Variants in SOX5 observed in about 807,000 individuals in gnomAD.
SOX5 encodes SRY-box transcription factor 5.
In SOX5, 9 loss-of-function variants were observed where a neutral mutation model predicts 92.0. The observed-to-expected ratio is 0.10, with a 90% confidence interval of 0.06 to 0.17. The LOEUF (loss-of-function observed/expected upper bound fraction) is 0.17. Ranked by LOEUF, SOX5 falls within the 10% of genes least tolerant of loss-of-function variation. SOX5 has a pLI of 1.00. For missense variants in SOX5, 642 were observed against 944.5 expected (o/e 0.68, Z 4.20); for synonymous variants, 344 against 336.3 (o/e 1.02, Z -0.25).
chr12:23,808,877 A>T (rs563596275), intron 3 of SOX5, among the ~76,000 whole-genome samples: 1 of 152,292 alleles, frequency 6.6e-6, no homozygotes, highest in African/African-American at 2.4e-5. Context: ...TGGACCTATT[A>T]GGTTTGAGAA....
chr12:23,663,389 C>A (rs2083333782), intron 7 of SOX5, among the ~76,000 whole-genome samples: 1 of 152,136 alleles, frequency 6.6e-6, no homozygotes, highest in African/African-American at 2.4e-5. Context: ...TAACACTCAA[C>A]AAATTTAGTA....
chr12:23,773,560 C>G (rs2095004224), intron 3 of SOX5, among the ~76,000 whole-genome samples: 1 of 152,124 alleles, frequency 6.6e-6, no homozygotes, highest in East Asian at 1.9e-4. Flanking sequence ...TTAGTAGAGA[C>G]AGGGTTTTAC....
intron 3 of SOX5, chr12:24,213,419 T>TGAAAAAAAAAA (rs1958852700): frequency 1.0e-5 from 1 of 96,864 alleles, no homozygotes; most frequent in Non-Finnish European, 2.1e-5. Flanking sequence ...CTTGAAATGC[T>TGAAAAAAAAAA]AAAAAAAAAA....
chr12:24,246,895 G>A (rs1263976128), intron 3 of SOX5, among the ~76,000 whole-genome samples: 1 of 151,786 alleles, frequency 6.6e-6, no homozygotes, highest in Non-Finnish European at 1.5e-5. Context: ...AAGGGAGAGG[G>A]GATTTATGAA....
intron 3 of SOX5, among the ~76,000 whole-genome samples, chr12:23,786,206 C>T (rs1490215663): frequency 6.6e-6 from 1 of 151,884 alleles, no homozygotes; most frequent in African/African-American, 2.4e-5. Flanking sequence ...CCCACAACAG[C>T]TAGTGTTTCA....
At chr12:24,482,962 A>G (rs1460326557) in intron 1 of SOX5, among the ~76,000 whole-genome samples, 1 of 152,220 alleles carries the variant, frequency 6.6e-6, no homozygotes, top group Non-Finnish European at 1.5e-5. Flanking sequence ...ATATACATAT[A>G]TAAATATAAA....
intron 13 of SOX5, among the ~76,000 whole-genome samples, chr12:23,538,799 CTTT>C (rs67268404): frequency 2.3e-4 from 25 of 108,122 alleles, no homozygotes; most frequent in Middle Eastern, 5.1e-3. Context: ...CCAGCATTTT[CTTT>C]TTTTTTTTTT....
chr12:23,721,374 C>A (rs574966189), intron 6 of SOX5, among the ~76,000 whole-genome samples: 36 of 152,122 alleles, frequency 2.4e-4, no homozygotes, highest in Non-Finnish European at 4.0e-4. Context: ...CATGAGCCAC[C>A]GTGCCTGGCC....
chr12:24,361,200 T>C (rs996872270), intron 2 of SOX5, among the ~76,000 whole-genome samples: 1 of 152,192 alleles, frequency 6.6e-6, no homozygotes, highest in Non-Finnish European at 1.5e-5. Context: ...GGAAATTACA[T>C]GACCATTACA....
At chr12:23,738,001 A>G (rs1372554749) in intron 5 of SOX5, among the ~76,000 whole-genome samples, 1 of 152,188 alleles carries the variant, frequency 6.6e-6, no homozygotes, top group Non-Finnish European at 1.5e-5. Flanking sequence ...TTACTGGTTT[A>G]CTTATTGTCT....
rs140118438 is a variant in SOX5, at chr12:23,995,862, T to C, written c.-1-99838A>G. On this transcript the variant is annotated intron_variant, in intron 4 of 4. Coordinates refer to the SOX5 transcript ENST00000446891. ...TGGATACCAAAGTGGACATTTTCAG[T>C]AGCAGGTTAAACCTCTAATGGAATA... Among the ~76,000 whole-genome samples the C allele has an allele frequency of 8.6e-3, 1,315 of 152,328 alleles. 12 individuals carry two copies. The highest frequency in any genetic ancestry group is 0.029 in the African/African-American group (1,218 of 41,590).
intron 1 of SOX5, among the ~76,000 whole-genome samples, chr12:24,409,446 CTTTT>C (rs572960390): frequency 1.3e-5 from 2 of 150,876 alleles, no homozygotes; most frequent in Admixed American, 6.6e-5. Context: ...ACATGTATCC[CTTTT>C]TTTTTAGAAA....
intron 2 of SOX5, among the ~76,000 whole-genome samples, chr12:24,347,764 T>C (rs536193804): frequency 2.0e-5 from 3 of 152,324 alleles, no homozygotes; most frequent in African/African-American, 4.8e-5. Context: ...AGTATTAAAC[T>C]ATCTGTCATG....
chr12:23,923,135 C>T (rs1338425164), intron 1 of SOX5, among the ~76,000 whole-genome samples: 2 of 152,032 alleles, frequency 1.3e-5, no homozygotes, highest in South Asian at 2.1e-4. Flanking sequence ...TTACTAGAGA[C>T]GAGGTTTCAC....
intron 3 of SOX5, among the ~76,000 whole-genome samples, chr12:24,232,837 T>C (rs1963677176): frequency 6.6e-6 from 1 of 152,230 alleles, no homozygotes; most frequent in Admixed American, 6.5e-5. Context: ...ACATTCCATA[T>C]AATATCCATA....
chr12:24,063,080 C>T lies in SOX5; in HGVS notation c.-2+150263G>A, dbSNP rs536460307. Among the ~76,000 whole-genome samples, 3 of 152,314 alleles carry T rather than the reference C, an allele frequency of 2.0e-5. No individual in the cohort carries two copies. In the South Asian group the frequency reaches 6.2e-4, roughly 32 times the overall value. On this transcript the variant is annotated intron_variant, in intron 4 of 4. Transcript: ENST00000446891. ...TGAAATCATTCATAATTCTTAAGTA[C>T]TGCCAGATGTGCAGCTATAACAAAT...
chr12:23,755,506 A>C, intron 4 of SOX5, 132 bp downstream of exon 4: 2 of 635,646 alleles, frequency 3.1e-6, no homozygotes, highest in Non-Finnish European at 2.7e-6. Context: ...CAAGATAGAA[A>C]GAAGAAACCC....
At chr12:23,974,167 C>T (rs1429883061) in intron 4 of SOX5, among the ~76,000 whole-genome samples, 2 of 152,140 alleles carry the variant, frequency 1.3e-5, no homozygotes, top group Non-Finnish European at 1.5e-5. Context: ...CTCTCTCTCT[C>T]TAAATATCCT....
chr12:23,536,419 TG>T (rs1454344239), intron 14 of SOX5, 33 bp downstream of exon 14: 1 of 1,522,796 alleles, frequency 6.6e-7, no homozygotes, highest in Admixed American at 1.7e-5. Flanking sequence ...ACAGGAAGTT[TG>T]CCCCATGAGA....
Sources: allele counts gnomAD v4.1 joint callset (sites outside exome capture counted in the v4.1 genomes callset), GRCh38; gene constraint gnomAD v4.1.1; transcripts MANE v1.5; gene names NCBI Gene and HGNC (gene_info 2026-07-23, HGNC 2026-07-21).